Variants in NUP210L observed in about 807,000 individuals in gnomAD.
NUP210L encodes the protein nuclear pore membrane glycoprotein 210-like.
NUP210L carries 74 observed loss-of-function variants against 208.5 expected under a neutral mutation model. The observed-to-expected ratio is 0.35, with a 90% CI of 0.29 to 0.43. NUP210L has a LOEUF of 0.43. NUP210L is among the 20% of genes least tolerant of loss of function. The pLI is 1.00. For synonymous variants in NUP210L, 780 were observed against 816.9 expected, an observed-to-expected ratio of 0.95 and a Z score of 0.77; for missense variants, 1,843 against 2,289.4, an observed-to-expected ratio of 0.81 and a Z score of 3.98.
At chr1:153,998,411 C>T (rs1033664429) in intron 37 of NUP210L, among the ~76,000 whole-genome samples, 5 of 151,872 alleles carry the variant, frequency 3.3e-5, no homozygotes, top group African/African-American at 4.8e-5. Context: ...AAAAATTAGC[C>T]AGGCGTGGTG....
At chr1:154,039,129 T>C (rs7521303) in intron 27 of NUP210L, among the ~76,000 whole-genome samples, 39,327 of 152,008 alleles carry the variant, frequency 0.26, 5,570 homozygotes, top group Admixed American at 0.37. Flanking sequence ...GATTTCTTAC[T>C]GCCCATTAAT....
intron 2 of NUP210L, among the ~76,000 whole-genome samples, chr1:154,145,506 T>C (rs1242292943): frequency 1.3e-5 from 2 of 151,924 alleles, no homozygotes; most frequent in East Asian, 1.9e-4. Flanking sequence ...AGGGCTAAGA[T>C]GCAATAAAGT....
At chr1:154,115,752 C>T (rs1417864214) in intron 12 of NUP210L, among the ~76,000 whole-genome samples, 1 of 151,876 alleles carries the variant, frequency 6.6e-6, no homozygotes, top group Admixed American at 6.6e-5. Context: ...TCCAATAATA[C>T]CTACGAGATA....
intron 16 of NUP210L, among the ~76,000 whole-genome samples, chr1:154,075,787 CTTT>C (rs541105524): frequency 6.9e-6 from 1 of 144,738 alleles, no homozygotes; most frequent in Non-Finnish European, 1.5e-5. Flanking sequence ...GCAAATACTT[CTTT>C]TTTTTTTTTC....
intron 35 of NUP210L, among the ~76,000 whole-genome samples, chr1:154,004,854 CTTT>C (rs34638973): frequency 5.3e-5 from 6 of 114,200 alleles, no homozygotes; most frequent in Non-Finnish European, 8.7e-5. Context: ...TTCTTTCTTT[CTTT>C]TTTTTTTTTT....
chr1:154,101,121 G>A (rs984943342), intron 13 of NUP210L, among the ~76,000 whole-genome samples: 5 of 140,348 alleles, frequency 3.6e-5, no homozygotes, highest in African/African-American at 1.1e-4. Context: ...GCCGTGAGCC[G>A]AGATTGCGCC....
At chr1:154,114,716 G>A (rs1036460482) in intron 12 of NUP210L, among the ~76,000 whole-genome samples, 2 of 151,424 alleles carry the variant, frequency 1.3e-5, no homozygotes, top group Non-Finnish European at 2.9e-5. Context: ...CGACCCTCCT[G>A]CCTCAGTAGC....
chr1:154,089,435 G>A lies in NUP210L; in HGVS notation c.2347C>T (p.His783Tyr), dbSNP rs192877632. The change falls in exon 16 of 40, where the codon CAC (histidine) becomes TAC (tyrosine). Residue 783 changes from histidine (H) to tyrosine (Y), a missense_variant. Transcript: ENST00000368559. ...TCTGTACTTACCAGCCATTTGTTGT[G>A]CTGTGGCAGAGGACATGGCTGGGCA... 77 of 1,614,120 alleles carry A rather than the reference G, an allele frequency of 4.8e-5. No individual in the cohort carries two copies. In the African/African-American group the frequency reaches 7.7e-4, roughly 16 times the overall value.
In NUP210L at chr1:154,100,057, T is replaced by A. The variant is rs1571271190; in HGVS notation, c.1906A>T (p.Asn636Tyr). 17 of 1,613,974 alleles carry A rather than the reference T, an allele frequency of 1.1e-5. No individual in the cohort carries two copies. The East Asian group carries it at 3.8e-4, about 36-fold the overall frequency. The stretch of plus-strand genomic sequence containing the variant: ...CTCTCCAAGTACTTGTCACATTCAT[T>A]CACACTTACTGTTACCAGAGTATGG... Residue 636 changes from asparagine (N) to tyrosine (Y), a missense_variant, in exon 14 of 40, where the codon AAT becomes TAT. This residue lies in a region of NUP210L where 408 missense variants were observed against 600.8 expected (regional missense o/e 0.68). Coordinates refer to ENST00000368559, the Ensembl canonical transcript of NUP210L.
At chr1:154,022,148 A>C in exon 32 of NUP210L, 1 of 1,613,872 alleles carries the variant, frequency 6.2e-7, no homozygotes. Flanking sequence ...CAAGGTGAGT[A>C]CTGAAGCAGA....
In NUP210L at chr1:154,143,516, T is replaced by C. The variant is rs41315545; in HGVS notation, c.402A>G (p.Val134=). The C allele has an allele frequency of 2.4e-3, 3,797 of 1,613,976 alleles. 7 individuals are homozygous for C. Among genetic ancestry groups the C allele is most frequent in the Non-Finnish European group, 2.6e-3 (3,051 of 1,179,868 alleles). ...CTACATAAAGTTCCCGGGCCCGAGA[T>C]ACAATTTCAATGCTGTTTATCACAT... Residue 134 remains valine (V), a synonymous_variant, in exon 3 of 40, where the codon GTA becomes GTG. Transcript: ENST00000368559.
intron 16 of NUP210L, among the ~76,000 whole-genome samples, chr1:154,088,328 C>CAA (rs749528698): frequency 9.7e-4 from 105 of 108,200 alleles, no homozygotes; most frequent in African/African-American, 2.8e-3. Context: ...GACCCTGTCT[C>CAA]AAAAAAAAAA....
chr1:154,100,621 C>T lies in NUP210L; in HGVS notation c.1820-478G>A, dbSNP rs140317806. ...GCAACCTCAGCCTCCTGGTTTCAAGCGATTCTCCTGCCTCAGCCTCCTGAG... is the reference window on the plus strand; with the variant it reads ...GCAACCTCAGCCTCCTGGTTTCAAGTGATTCTCCTGCCTCAGCCTCCTGAG... On this transcript the variant is annotated intron_variant, in intron 13 of 39. Transcript: ENST00000368559. Among the ~76,000 whole-genome samples, 412 of 145,628 alleles carry T rather than the reference C, an allele frequency of 2.8e-3. 5 individuals are homozygous for T. Among genetic ancestry groups the T allele is most frequent in the African/African-American group, 9.7e-3 (384 of 39,444 alleles).
intron 13 of NUP210L, 25 bp downstream of exon 13, chr1:154,103,984 AAGG>A: frequency 2.0e-6 from 3 of 1,525,130 alleles, no homozygotes; most frequent in South Asian, 1.2e-5. Context: ...AAGACAAAGG[AAGG>A]AGAAGATAAA....
At chr1:154,066,225 C>T (rs1035868705) in intron 17 of NUP210L, among the ~76,000 whole-genome samples, 2 of 152,060 alleles carry the variant, frequency 1.3e-5, no homozygotes, top group African/African-American at 4.8e-5. Flanking sequence ...ACTAAAGAAG[C>T]AAGAGCAAAC....
chr1:154,148,649 T>G (rs1659231443), intron 2 of NUP210L, among the ~76,000 whole-genome samples: 3 of 152,234 alleles, frequency 2.0e-5, no homozygotes, highest in African/African-American at 7.2e-5. Context: ...TCTTTACATC[T>G]CTTTTGTAAA....
At chr1:154,035,436 T>TG (rs774990733) in intron 27 of NUP210L, among the ~76,000 whole-genome samples, 8 of 151,700 alleles carry the variant, frequency 5.3e-5, no homozygotes, top group Non-Finnish European at 1.2e-4. Context: ...TCACTCTTGC[T>TG]GCCCAGGCTG....
intron 9 of NUP210L, among the ~76,000 whole-genome samples, chr1:154,126,832 G>A (rs1658004213): frequency 2.0e-5 from 3 of 151,990 alleles, no homozygotes; most frequent in Admixed American, 2.0e-4. Context: ...CAAAACTCTG[G>A]TAACCATCTA....
intron 35 of NUP210L, among the ~76,000 whole-genome samples, chr1:154,009,419 A>G (rs934309142): frequency 3.9e-5 from 6 of 152,072 alleles, no homozygotes; most frequent in African/African-American, 1.4e-4. Flanking sequence ...TCACAGAGTG[A>G]ATGGGGACTA....
Sources: allele counts gnomAD v4.1 joint callset (sites outside exome capture counted in the v4.1 genomes callset), GRCh38; gene constraint gnomAD v4.1.1; regional missense constraint gnomAD v4.1.1; transcripts MANE v1.5; gene names NCBI Gene and HGNC (gene_info 2026-07-23, HGNC 2026-07-21).